Variants in AGBL1 observed in about 807,000 individuals in gnomAD.
The protein encoded by AGBL1 is cytosolic carboxypeptidase 4.
In AGBL1, 130 loss-of-function variants were observed where a neutral mutation model predicts 118.9. The observed-to-expected ratio is 1.09, with a 90% CI of 0.95 to 1.26. The LOEUF is 1.26. Among genes scored for constraint, AGBL1 ranks in the 50% most tolerant of loss-of-function variants. The pLI is 0.00. For synonymous variants in AGBL1, 555 were observed against 478.9 expected (o/e 1.16, Z -2.08); for missense variants, 1,584 against 1,298.1 (o/e 1.22, Z -3.38).
chr15:86,655,795 T>A (rs1386667174), intron 21 of AGBL1, among the ~76,000 whole-genome samples: 2 of 152,180 alleles, frequency 1.3e-5, no homozygotes, highest in African/African-American at 4.8e-5. Context: ...GGAGGAGAAA[T>A]ACCTGGGAGA....
intron 18 of AGBL1, among the ~76,000 whole-genome samples, chr15:86,407,716 C>T (rs1283078140): frequency 1.3e-5 from 2 of 152,124 alleles, no homozygotes; most frequent in Admixed American, 6.5e-5. Context: ...GAAAGAATTA[C>T]TGAAGCCATA....
intron 1 of AGBL1, among the ~76,000 whole-genome samples, chr15:86,093,315 T>C (rs1242875285): frequency 1.3e-5 from 2 of 152,170 alleles, no homozygotes; most frequent in Non-Finnish European, 2.9e-5. Flanking sequence ...AAAAACATCA[T>C]TGGTGGAAGA....
chr15:86,187,793 C>T (rs930281268), intron 5 of AGBL1, among the ~76,000 whole-genome samples: 1 of 152,146 alleles, frequency 6.6e-6, no homozygotes, highest in African/African-American at 2.4e-5. Flanking sequence ...AAATCCTGTC[C>T]TTTGGTTGGC....
At chr15:86,870,698 G>A (rs765267039) in intron 22 of AGBL1, among the ~76,000 whole-genome samples, 3 of 152,102 alleles carry the variant, frequency 2.0e-5, no homozygotes, top group African/African-American at 7.2e-5. Flanking sequence ...ATGAATAAAT[G>A]AGTGGGAGAA....
At position 86,079,919 on chromosome 15, in the gene AGBL1, C is replaced by T; in HGVS notation, c.-54C>T. The T allele has an allele frequency of 8.2e-7, 1 of 1,219,110 alleles. No individual in the cohort carries two copies. The highest frequency in any genetic ancestry group is 4.1e-5 in the South Asian group (1 of 24,128). 75.5% of individuals were successfully genotyped at this position (1,219,110 alleles called of 1,614,324 possible). A position where few individuals can be genotyped will look rare whatever the true frequency, so the allele number is the denominator to read the frequency against. On this transcript the variant is annotated 5_prime_UTR_variant, in exon 1 of 23. Transcript: ENST00000614907. ...GCGAGGTCAGCTTGGCAGCCGCTGC[C>T]TCTCCAGCCTGGATCTGGCCGCAGG... is the stretch of plus-strand genomic sequence containing the variant.
chr15:86,891,884 A>G (rs2080057439), intron 22 of AGBL1, among the ~76,000 whole-genome samples: 1 of 152,184 alleles, frequency 6.6e-6, no homozygotes, highest in Admixed American at 6.5e-5. Context: ...GGTTCAGTGG[A>G]GTTTCATCAA....
Position 86,191,772 on chromosome 15 carries a change from A to T in AGBL1, c.488+32746A>T, listed in dbSNP as rs1489533673. On this transcript the variant is annotated intron_variant, in intron 5 of 22. Coordinates refer to ENST00000614907, the MANE Select transcript of AGBL1 (RefSeq NM_001386094.1). ...CATTATTACCTAATATTGAGGAAGT[A>T]ATTTATTTTATTTATAATAACATAT... is the stretch of plus-strand genomic sequence containing the variant. Among the ~76,000 whole-genome samples the T allele has an allele frequency of 3.3e-5, 5 of 152,112 alleles. No individual in the cohort carries two copies. The South Asian group carries it at 8.3e-4, about 25-fold the overall frequency.
At chr15:86,886,896 G>A (rs1427665995) in intron 22 of AGBL1, among the ~76,000 whole-genome samples, 4 of 152,100 alleles carry the variant, frequency 2.6e-5, no homozygotes, top group South Asian at 2.1e-4. Context: ...AAGTAAAGAC[G>A]AGGTTTTGGA....
chr15:86,973,523 G>A (rs1232412708), intron 23 of AGBL1, among the ~76,000 whole-genome samples: 2 of 151,448 alleles, frequency 1.3e-5, no homozygotes, highest in Admixed American at 1.3e-4. Context: ...GGTTGGCCTA[G>A]CATGATCGGA....
intron 23 of AGBL1, among the ~76,000 whole-genome samples, chr15:86,961,338 C>T (rs1293903918): frequency 1.3e-5 from 2 of 152,022 alleles, no homozygotes; most frequent in African/African-American, 4.8e-5. Context: ...TGAGGGTCCA[C>T]TCTGCAGCTC....
At chr15:86,916,586 A>G (rs555854268), downstream of AGBL1, among the ~76,000 whole-genome samples, 85 of 152,352 alleles carry the variant, frequency 5.6e-4, no homozygotes, top group Middle Eastern at 3.4e-3. Flanking sequence ...AGAACATTAT[A>G]ACAGAAGTTG....
At chr15:86,295,708 C>T (rs1353906110) in intron 17 of AGBL1, 1 of 213,404 alleles carries the variant, frequency 4.7e-6, no homozygotes, top group African/African-American at 2.3e-5. Context: ...TCATATTTTC[C>T]AACTTCTAAT....
intron 21 of AGBL1, among the ~76,000 whole-genome samples, chr15:86,626,902 A>G (rs897231803): frequency 4.0e-5 from 6 of 150,508 alleles, no homozygotes; most frequent in Non-Finnish European, 8.8e-5. Flanking sequence ...CAGTGGCACA[A>G]TCTTGGCTCA....
At chr15:86,987,957 CT>C (rs1567274206) in intron 23 of AGBL1, 1 of 1,608,338 alleles carries the variant, frequency 6.2e-7, no homozygotes, top group Admixed American at 1.7e-5. Flanking sequence ...TTTCACCAAT[CT>C]GTACCACTCA....
intron 1 of AGBL1, among the ~76,000 whole-genome samples, chr15:86,113,199 TTTTTTC>T (rs1291935434): frequency 1.3e-5 from 2 of 149,272 alleles, no homozygotes; most frequent in Admixed American, 6.7e-5. Context: ...CACCTCTTTA[TTTTTTC>T]TTTTTCTTTT....
At chr15:86,120,349 T>C (rs1358176904) in intron 1 of AGBL1, among the ~76,000 whole-genome samples, 1 of 152,214 alleles carries the variant, frequency 6.6e-6, no homozygotes, top group Non-Finnish European at 1.5e-5. Context: ...AATGTTCCCA[T>C]AGTACTCAGT....
chr15:86,393,091 G>C (rs1386909212), intron 17 of AGBL1, among the ~76,000 whole-genome samples: 3 of 152,134 alleles, frequency 2.0e-5, no homozygotes, highest in Non-Finnish European at 4.4e-5. Flanking sequence ...AAGCCAACTA[G>C]AACTGGCTAA....
intron 22 of AGBL1, among the ~76,000 whole-genome samples, chr15:86,743,052 G>T (rs925886490): frequency 2.0e-5 from 3 of 152,174 alleles, no homozygotes; most frequent in East Asian, 3.9e-4. Context: ...TTGTAAGCTG[G>T]ATGAATGGAT....
At chr15:86,689,063 G>A (rs890575354) in intron 22 of AGBL1, among the ~76,000 whole-genome samples, 6 of 152,064 alleles carry the variant, frequency 3.9e-5, no homozygotes, top group African/African-American at 1.4e-4. Context: ...TATGGTAAAT[G>A]GTCAGTGGAT....
Sources: allele counts gnomAD v4.1 joint callset (sites outside exome capture counted in the v4.1 genomes callset), GRCh38; gene constraint gnomAD v4.1.1; transcripts MANE v1.5; gene names NCBI Gene and HGNC (gene_info 2026-07-23, HGNC 2026-07-21).